ASCC3: variants seen among roughly 807,000 people sequenced by gnomAD.
ASCC3 encodes activating signal cointegrator 1 complex subunit 3, also known as ASC-1 complex subunit P200.
In ASCC3, 158 loss-of-function variants were observed where a neutral mutation model predicts 256.3. That is an observed-to-expected ratio of 0.62 (90% CI 0.54 to 0.70). The LOEUF (loss-of-function observed/expected upper bound fraction) is 0.70. ASCC3 is among the 30% of genes least tolerant of loss of function. The pLI, the probability that ASCC3 is intolerant of heterozygous loss-of-function variation, is 0.00. For synonymous variants in ASCC3, 948 were observed against 883.4 expected, an observed-to-expected ratio of 1.07 and a Z score of -1.30; for missense variants, 2,259 against 2,626.0, an observed-to-expected ratio of 0.86 and a Z score of 3.05.
intron 36 of ASCC3, among the ~76,000 whole-genome samples, chr6:100,584,948 C>T (rs532942574): frequency 1.1e-3 from 161 of 152,262 alleles, no homozygotes; most frequent in Middle Eastern, 6.8e-3. Context: ...CCGAGAGATC[C>T]GCTGTTAGTC....
Position 100,605,698 on chromosome 6 carries a change from C to T in ASCC3, c.5047G>A (p.Val1683Ile). The T allele has an allele frequency of 1.2e-6, 2 of 1,613,320 alleles. No individual in the cohort carries two copies. Among genetic ancestry groups the T allele is most frequent in the Non-Finnish European group, 8.5e-7 (1 of 1,179,506 alleles). ...CCAGCACGCCCCATCATCTGGAGGA[C>T]ATCTTTAAAAGAGAGAACAAAGAGA... ...RRYVDFPITD[V>I]LQMMGRAGRP... The change falls in exon 33 of 42, where the codon GTC (valine) becomes ATC (isoleucine). Residue 1683 changes from valine to isoleucine, a missense_variant and splice_region_variant. Coordinates refer to ENST00000369162, the MANE Select transcript of ASCC3 (RefSeq NM_006828.4).
intron 36 of ASCC3, among the ~76,000 whole-genome samples, chr6:100,587,600 A>C (rs1029785591): frequency 6.6e-6 from 1 of 152,296 alleles, no homozygotes; most frequent in African/African-American, 2.4e-5. Flanking sequence ...ACACCATGGG[A>C]GAAGAAGATA....
chr6:100,653,853 T>G (rs1252829014), intron 17 of ASCC3, among the ~76,000 whole-genome samples: 1 of 152,054 alleles, frequency 6.6e-6, no homozygotes, highest in Non-Finnish European at 1.5e-5. Flanking sequence ...AATATATGTA[T>G]GTACACATGC....
In ASCC3 at chr6:100,589,681, G is replaced by A. The variant is rs752777077; in HGVS notation, c.5503C>T (p.Arg1835Cys). The change falls in exon 36 of 42, where the codon CGC (arginine) becomes TGC (cysteine). Residue 1835 changes from arginine (R) to cysteine (C), a missense_variant. Arg to Cys is a radical substitution (Grantham distance 180). Coordinates refer to ENST00000369162, the MANE Select transcript of ASCC3 (RefSeq NM_006828.4). The part of the protein sequence containing the change: ...KHQTVKMFKD[R>C]LKPECSTEEL... ...TCAGTACTGCATTCAGGCTTCAAGC[G>A]GTCCTTGAACATTTTAACTGTTTGA... is the stretch of plus-strand genomic sequence containing the variant. The A allele has an allele frequency of 2.1e-5, 34 of 1,613,594 alleles. No homozygotes were observed. Among genetic ancestry groups the A allele is most frequent in the African/African-American group, 4.0e-5 (3 of 74,978 alleles).
chr6:100,723,899 TA>T (rs1249024267), intron 11 of ASCC3, among the ~76,000 whole-genome samples: 1 of 122,156 alleles, frequency 8.2e-6, no homozygotes, highest in African/African-American at 3.0e-5. Flanking sequence ...TATATATATT[TA>T]TAATTATATA....
intron 36 of ASCC3, among the ~76,000 whole-genome samples, chr6:100,556,146 C>T (rs1769561796): frequency 2.6e-5 from 4 of 152,140 alleles, no homozygotes; most frequent in South Asian, 4.1e-4. Context: ...AAGAACCCCA[C>T]AAGAATTAAA....
intron 10 of ASCC3, among the ~76,000 whole-genome samples, chr6:100,727,758 T>C (rs998845386): frequency 6.6e-6 from 1 of 152,074 alleles, no homozygotes; most frequent in African/African-American, 2.4e-5. Context: ...AAATGACTAA[T>C]GTTATTAACG....
At position 100,629,645 on chromosome 6, in the gene ASCC3, T is replaced by C. The variant is rs1246356395; in HGVS notation, c.4209-464A>G. The stretch of plus-strand genomic sequence containing the variant: ...AAAATTATGTGTAATTTAGATTGTG[T>C]GCAAGCTCATTTCTTTCCTTAGATT... On this transcript the variant is annotated intron_variant, in intron 26 of 41. Coordinates refer to ENST00000369162, the MANE Select transcript of ASCC3 (RefSeq NM_006828.4). Among the ~76,000 whole-genome samples, 4 of 152,196 alleles carry C rather than the reference T, an allele frequency of 2.6e-5. No individual in the cohort carries two copies. The East Asian group carries it at 5.8e-4, about 22-fold the overall frequency.
At chr6:100,852,054 G>A (rs1430773255) in intron 3 of ASCC3, among the ~76,000 whole-genome samples, 2 of 152,224 alleles carry the variant, frequency 1.3e-5, no homozygotes, top group African/African-American at 2.4e-5. Flanking sequence ...GCCCAGATGA[G>A]AGCCCTGATC....
rs566940203 is a variant in ASCC3 at position 100,683,415 on chromosome 6, A to C, written c.2152-3663T>G. Among the ~76,000 whole-genome samples the C allele has an allele frequency of 6.6e-5, 10 of 152,276 alleles. No individual in the cohort carries two copies. In the East Asian group the frequency reaches 1.7e-3, roughly 26 times the overall value. On this transcript the variant is annotated intron_variant, in intron 13 of 41. Transcript: ENST00000369162. ...CAAGAGAAATATTAGTTACAATTTAAAGTAACAATTTCATTTTATTAAGGA... is the reference window on the plus strand; with the variant it reads ...CAAGAGAAATATTAGTTACAATTTACAGTAACAATTTCATTTTATTAAGGA...
chr6:100,736,615 T>C (rs1780182032), intron 10 of ASCC3, among the ~76,000 whole-genome samples: 2 of 152,180 alleles, frequency 1.3e-5, no homozygotes, highest in Admixed American at 1.3e-4. Context: ...AAACTCTAAA[T>C]GTGTATAAAA....
intron 4 of ASCC3, among the ~76,000 whole-genome samples, chr6:100,827,614 A>G (rs1771383780): frequency 6.6e-6 from 1 of 152,174 alleles, no homozygotes; most frequent in Non-Finnish European, 1.5e-5. Context: ...AGTTTTGGCA[A>G]TTAAGTCTTT....
Position 100,850,139 on chromosome 6 carries a change from G to T in ASCC3, c.242-1432C>A, listed in dbSNP as rs898449287. Among the ~76,000 whole-genome samples the T allele has an allele frequency of 3.4e-5, 5 of 146,166 alleles. No homozygotes were observed. The Admixed American group carries it at 3.5e-4, about 10-fold the overall frequency. ...AAAAAAAGAAGGAAACATGACTCCA[G>T]TATCATTATTCACAAATCTTCCACA... is the stretch of plus-strand genomic sequence containing the variant. On this transcript the variant is annotated intron_variant, in intron 3 of 41. Transcript: ENST00000369162.
At chr6:100,600,854 C>T (rs1031115406) in intron 34 of ASCC3, among the ~76,000 whole-genome samples, 2 of 152,016 alleles carry the variant, frequency 1.3e-5, no homozygotes, top group African/African-American at 4.8e-5. Flanking sequence ...TTTAACAAAA[C>T]ATAACGTAAT....
chr6:100,650,332 T>C (rs1008008312), intron 20 of ASCC3, among the ~76,000 whole-genome samples: 5 of 151,696 alleles, frequency 3.3e-5, no homozygotes, highest in Non-Finnish European at 5.9e-5. Context: ...AAAAAAGCCC[T>C]ATCAGTCACC....
chr6:100,710,882 T>C (rs779577744), intron 13 of ASCC3, among the ~76,000 whole-genome samples: 1 of 152,148 alleles, frequency 6.6e-6, no homozygotes, highest in Non-Finnish European at 1.5e-5. Flanking sequence ...ATAAATAGTA[T>C]GATGAAGGCT....
At chr6:100,573,548 T>A (rs1770702721) in intron 36 of ASCC3, among the ~76,000 whole-genome samples, 1 of 152,144 alleles carries the variant, frequency 6.6e-6, no homozygotes. Flanking sequence ...TTAAAAAATC[T>A]AAACAATGTT....
chr6:100,626,030 G>A (rs1008818128), intron 29 of ASCC3, among the ~76,000 whole-genome samples: 1 of 151,972 alleles, frequency 6.6e-6, no homozygotes, highest in Admixed American at 6.6e-5. Flanking sequence ...AAGATGAGAT[G>A]ACTCTGGTCA....
At chr6:100,870,848 G>C (rs1044221722) in intron 1 of ASCC3, among the ~76,000 whole-genome samples, 4 of 152,134 alleles carry the variant, frequency 2.6e-5, no homozygotes, top group African/African-American at 9.7e-5. Flanking sequence ...GAAAGCAAGA[G>C]TCAGTGGACA....
Sources: gnomAD v4.1 joint callset for allele counts (sites outside exome capture counted in the v4.1 genomes callset) on GRCh38, gnomAD v4.1.1 for gene constraint, MANE v1.5 for transcripts, NCBI Gene and HGNC (gene_info 2026-07-23, HGNC 2026-07-21) for gene names.